The following TM4SF20 variants were observed in gnomAD, a reference collection of about 807,000 sequenced individuals.
TM4SF20 encodes the protein transmembrane 4 L6 family member 20.
A neutral mutation model predicts 15.1 loss-of-function variants in TM4SF20; 13 were observed. That is an observed-to-expected ratio of 0.86 (90% CI 0.56 to 1.36). The LOEUF is 1.36. TM4SF20 is among the 40% of genes most tolerant of loss of function. The pLI is 0.00. For synonymous variants in TM4SF20, 92 were observed against 96.6 expected (o/e 0.95, Z 0.28); for missense variants, 282 against 268.4 (o/e 1.05, Z -0.35).
chr2:227,377,040 A>G (rs907482842), intron 1 of TM4SF20, among the ~76,000 whole-genome samples: 5 of 152,144 alleles, frequency 3.3e-5, no homozygotes, highest in Non-Finnish European at 4.4e-5. Flanking sequence ...TCTCCCTGCC[A>G]CACCCGCCAC....
At chr2:227,375,271 T>C (rs1050627618) in intron 1 of TM4SF20, among the ~76,000 whole-genome samples, 1 of 152,048 alleles carries the variant, frequency 6.6e-6, no homozygotes. Context: ...TGCATGCCTA[T>C]AGTCCCAGCT....
Position 227,371,173 on chromosome 2 carries a change from G to A in TM4SF20, c.184-193C>T, listed in dbSNP as rs556669794. Among the ~76,000 whole-genome samples the A allele has an allele frequency of 1.4e-4, 22 of 152,280 alleles. No homozygotes were observed. In the South Asian group the frequency reaches 2.1e-3, roughly 14 times the overall value. On this transcript the variant is annotated intron_variant, in intron 1 of 3. Transcript: ENST00000304568. ...AACCAGAAAGATTAAAAGTGGCGGC[G>A]GGAACAGGGGAATTCAAGACAGGAG...
At chr2:227,376,993 T>G (rs1053357333) in intron 1 of TM4SF20, among the ~76,000 whole-genome samples, 1 of 152,260 alleles carries the variant, frequency 6.6e-6, no homozygotes, top group Admixed American at 6.5e-5. Context: ...TGAGCACTTA[T>G]GTCCTTCTGT....
At position 227,370,885 on chromosome 2, in the gene TM4SF20, C is replaced by T. The variant is rs200430746; in HGVS notation, c.249+30G>A. ...GGTAGCAATAACTGTTCATGCACTT[C>T]TGCTTCCACGCCGACTGCTTCATAC... On this transcript the variant is annotated intron_variant, in intron 2 of 3. Coordinates refer to ENST00000304568, the MANE Select transcript of TM4SF20 (RefSeq NM_024795.4). 5 of 1,605,738 alleles carry T rather than the reference C, an allele frequency of 3.1e-6. No homozygotes were observed. In the African/African-American group the frequency reaches 5.3e-5, roughly 17 times the overall value.
intron 2 of TM4SF20, among the ~76,000 whole-genome samples, chr2:227,368,358 T>A (rs1464241061): frequency 1.4e-5 from 2 of 141,740 alleles, no homozygotes; most frequent in African/African-American, 5.2e-5. Context: ...TATATATAAT[T>A]TTTTGTTTTT....
In TM4SF20 at chr2:227,370,898, G is replaced by T. The variant is rs374654360; in HGVS notation, c.249+17C>A. ...GTTCATGCACTTCTGCTTCCACGCC[G>T]ACTGCTTCATACTTACTCCAGTTCT... On this transcript the variant is annotated intron_variant, in intron 2 of 3. Transcript: ENST00000304568. 1.9e-6 allele frequency: 3 copies of T among 1,612,204 alleles called. No individual in the cohort carries two copies. The highest frequency in any genetic ancestry group is 2.2e-5 in the South Asian group (2 of 90,976).
intron 2 of TM4SF20, among the ~76,000 whole-genome samples, chr2:227,367,497 G>A (rs1295133403): frequency 1.3e-5 from 2 of 151,956 alleles, no homozygotes; most frequent in Non-Finnish European, 2.9e-5. Context: ...AACGTAGTAA[G>A]AGCCCATCTC....
chr2:227,376,282 C>CT (rs908476496), intron 1 of TM4SF20, among the ~76,000 whole-genome samples: 2 of 152,102 alleles, frequency 1.3e-5, no homozygotes, highest in Admixed American at 6.6e-5. Context: ...TCTCTATTAA[C>CT]TTTTTTGTGT....
chr2:227,367,655 TG>T (rs1331028747), intron 2 of TM4SF20, among the ~76,000 whole-genome samples: 1 of 152,188 alleles, frequency 6.6e-6, no homozygotes, highest in East Asian at 1.9e-4. Context: ...AGGGTCTGTG[TG>T]TTGTGTTCTT....
intron 1 of TM4SF20, among the ~76,000 whole-genome samples, chr2:227,376,197 A>G (rs1465395615): frequency 6.6e-6 from 1 of 152,212 alleles, no homozygotes. Flanking sequence ...AACAATACTA[A>G]TTTGAAACAC....
In TM4SF20 at chr2:227,362,969, T is replaced by A. The variant is rs1280386475; in HGVS notation, c.*755A>T. ...AACAGTTCCCTCAAAAATATTTTTC[T>A]TTTATAACATTTTCCTGTTGAAAAT... On this transcript the variant is annotated 3_prime_UTR_variant, in exon 4 of 4. Coordinates refer to ENST00000304568, the MANE Select transcript of TM4SF20 (RefSeq NM_024795.4). 6.6e-6 allele frequency: 1 copy of A among 152,204 alleles called. No individual in the cohort carries two copies. Among genetic ancestry groups the A allele is most frequent in the African/African-American group, 2.4e-5 (1 of 41,456 alleles). The allele number at this position is 152,204 out of a possible 1,614,324, so 9.4% of individuals were successfully genotyped here.
chr2:227,379,198 A>G lies in TM4SF20; in HGVS notation c.71T>C (p.Val24Ala), dbSNP rs765501292. The part of the protein sequence containing the change: ...SLLVLLLLGV[V>A]LNAIPLIVSL... ...GACAATTAGAGGTATCGCATTGAGA[A>G]CTACTCCTAACAGCAGTAGAACCAG... Residue 24 changes from valine (V) to alanine (A), a missense_variant, in exon 1 of 4, where the codon GTT becomes GCT. Coordinates refer to ENST00000304568, the MANE Select transcript of TM4SF20 (RefSeq NM_024795.4). 1.2e-6 allele frequency: 2 copies of G among 1,614,176 alleles called. No homozygotes were observed. The highest frequency in any genetic ancestry group is 8.5e-7 in the Non-Finnish European group (1 of 1,180,014).
At chr2:227,371,966 G>A (rs1228713821) in intron 1 of TM4SF20, among the ~76,000 whole-genome samples, 1 of 152,190 alleles carries the variant, frequency 6.6e-6, no homozygotes, top group African/African-American at 2.4e-5. Flanking sequence ...CAGGACTTGG[G>A]TTTCAATTTT....
chr2:227,366,026 T>C (rs887601464), intron 3 of TM4SF20, 67 bp downstream of exon 3: 6 of 1,475,592 alleles, frequency 4.1e-6, no homozygotes, highest in Non-Finnish European at 3.7e-6. Flanking sequence ...GTTCCAGTAC[T>C]GCATTAATCT....
chr2:227,380,550 CT>C (rs2076475006), upstream of TM4SF20, among the ~76,000 whole-genome samples: 1 of 152,178 alleles, frequency 6.6e-6, no homozygotes. Context: ...ACCCACATCA[CT>C]TCTGTTCACA....
chr2:227,369,364 G>GCGGC (rs2076409129), intron 2 of TM4SF20, among the ~76,000 whole-genome samples: 1 of 151,394 alleles, frequency 6.6e-6, no homozygotes, highest in African/African-American at 2.4e-5. Flanking sequence ...AGAATCTCTG[G>GCGGC]CGGCCACCCA....
intron 1 of TM4SF20, among the ~76,000 whole-genome samples, chr2:227,377,075 G>T (rs1414821069): frequency 2.0e-5 from 3 of 152,170 alleles, no homozygotes; most frequent in Non-Finnish European, 4.4e-5. Context: ...GAATACAGGA[G>T]ATGTAGGTAT....
Position 227,362,416 on chromosome 2 carries a change from T to C in TM4SF20, c.*1308A>G, listed in dbSNP as rs2076366341. The C allele has an allele frequency of 6.6e-6, 1 of 152,196 alleles. No homozygotes were observed. The highest frequency in any genetic ancestry group is 2.4e-5 in the African/African-American group (1 of 41,452). 9.4% of individuals were successfully genotyped at this position (152,196 alleles called of 1,614,324 possible). A position where few individuals can be genotyped will look rare whatever the true frequency, so the allele number is the denominator to read the frequency against. On this transcript the variant is annotated 3_prime_UTR_variant, in exon 4 of 4. Coordinates refer to ENST00000304568, the MANE Select transcript of TM4SF20 (RefSeq NM_024795.4). ...GAAGTAATTTTAAAACATATAAATATGCATTTCTTTTTTTAAAAATGAGGA... is the reference window on the plus strand; with the variant it reads ...GAAGTAATTTTAAAACATATAAATACGCATTTCTTTTTTTAAAAATGAGGA...
intron 2 of TM4SF20, 42 bp downstream of exon 2, chr2:227,370,871 CTG>C: frequency 6.4e-7 from 1 of 1,554,792 alleles, no homozygotes; most frequent in East Asian, 2.2e-5. Flanking sequence ...GTAGCAATAA[CTG>C]TTCATGCACT....
Sources: allele counts gnomAD v4.1 joint callset (sites outside exome capture counted in the v4.1 genomes callset), GRCh38; gene constraint gnomAD v4.1.1; transcripts MANE v1.5; gene names NCBI Gene and HGNC (gene_info 2026-07-23, HGNC 2026-07-21).